Variants in MLLT3 observed in about 807,000 individuals in gnomAD.
MLLT3 encodes MLLT3 super elongation complex subunit.
MLLT3 carries 4 observed loss-of-function variants against 53.2 expected under a neutral mutation model. The observed-to-expected ratio is 0.08, with a 90% CI of 0.04 to 0.17. MLLT3 has a LOEUF of 0.17. Ranked by LOEUF, MLLT3 falls within the 10% of genes least tolerant of loss-of-function variation. The pLI, the probability that MLLT3 is intolerant of heterozygous loss-of-function variation, is 1.00. For synonymous variants in MLLT3, 283 were observed against 230.6 expected, an observed-to-expected ratio of 1.23 and a Z score of -2.06; for missense variants, 569 against 684.0, an observed-to-expected ratio of 0.83 and a Z score of 1.87.
intron 10 of MLLT3, among the ~76,000 whole-genome samples, chr9:20,350,794 T>C (rs1821006730): frequency 6.6e-6 from 1 of 152,148 alleles, no homozygotes; most frequent in South Asian, 2.1e-4. Flanking sequence ...CAGGGTAAGA[T>C]CCACTTGTCA....
intron 2 of MLLT3, among the ~76,000 whole-genome samples, chr9:20,603,952 A>G (rs947569895): frequency 2.6e-5 from 4 of 152,074 alleles, no homozygotes; most frequent in Admixed American, 2.0e-4. Flanking sequence ...TCATGTGAAT[A>G]GGCAAAGGCA....
At chr9:20,617,099 AC>A (rs2131215174) in intron 2 of MLLT3, among the ~76,000 whole-genome samples, 1 of 152,284 alleles carries the variant, frequency 6.6e-6, no homozygotes, top group East Asian at 1.9e-4. Flanking sequence ...TAAATTTCAT[AC>A]AGAACCCTAC....
At chr9:20,386,506 G>T (rs1386749638) in intron 5 of MLLT3, among the ~76,000 whole-genome samples, 1 of 152,204 alleles carries the variant, frequency 6.6e-6, no homozygotes, top group Non-Finnish European at 1.5e-5. Context: ...CTGTCATCAA[G>T]CTTTGTTTGG....
At chr9:20,512,016 G>T (rs993664450) in intron 2 of MLLT3, among the ~76,000 whole-genome samples, 1 of 152,074 alleles carries the variant, frequency 6.6e-6, no homozygotes, top group African/African-American at 2.4e-5. Flanking sequence ...GACCTTGCTG[G>T]AGCAATAAAA....
In MLLT3 at chr9:20,343,183, CA is replaced by C. The variant is rs71334526; in HGVS notation, c.*3259del. On this transcript the variant is annotated 3_prime_UTR_variant, in exon 11 of 11. Coordinates refer to ENST00000380338, the MANE Select transcript of MLLT3 (RefSeq NM_004529.4). ...TAGGTGGGCCTGTAAAAGATATCGGCAAAAAAAAAAAAAAAAAAAAAAAAAA... is the reference window on the plus strand; with the variant it reads ...TAGGTGGGCCTGTAAAAGATATCGGCAAAAAAAAAAAAAAAAAAAAAAAAA... 146 of 40,300 alleles carry C rather than the reference CA, an allele frequency of 3.6e-3. No individual in the cohort carries two copies. Among genetic ancestry groups the C allele is most frequent in the East Asian group, 0.01 (17 of 1,624 alleles). 2.5% of individuals were successfully genotyped at this position (40,300 alleles called of 1,614,324 possible). A position where few individuals can be genotyped will look rare whatever the true frequency, so the allele number is the denominator to read the frequency against.
chr9:20,395,866 A>G (rs899792342), intron 5 of MLLT3, among the ~76,000 whole-genome samples: 4 of 152,192 alleles, frequency 2.6e-5, no homozygotes, highest in African/African-American at 9.6e-5. Context: ...AGAGCCAACA[A>G]AAGTACTGAT....
chr9:20,536,987 A>G (rs566996674), intron 2 of MLLT3, among the ~76,000 whole-genome samples: 108 of 152,338 alleles, frequency 7.1e-4, no homozygotes, highest in African/African-American at 2.5e-3. Flanking sequence ...TTCATTTATA[A>G]TGAAGGTTTC....
intron 2 of MLLT3, among the ~76,000 whole-genome samples, chr9:20,606,633 A>G (rs974840452): frequency 2.2e-4 from 34 of 152,154 alleles, no homozygotes; most frequent in African/African-American, 7.7e-4. Flanking sequence ...AAATTCACTC[A>G]GTGTCTTTCA....
intron 2 of MLLT3, among the ~76,000 whole-genome samples, chr9:20,547,539 G>A (rs1047013147): frequency 1.3e-5 from 2 of 151,608 alleles, no homozygotes; most frequent in African/African-American, 4.8e-5. Flanking sequence ...AGCTACTCGG[G>A]AGGCTGAGGC....
At chr9:20,603,343 C>G (rs1344732449) in intron 2 of MLLT3, among the ~76,000 whole-genome samples, 1 of 151,978 alleles carries the variant, frequency 6.6e-6, no homozygotes, top group Non-Finnish European at 1.5e-5. Flanking sequence ...CCACTTTTAC[C>G]TCTTAGGTCA....
Position 20,414,066 on chromosome 9 carries a change from T to C in MLLT3, c.780A>G (p.Ser260=), listed in dbSNP as rs780863363. 1 of 1,614,156 alleles carries C rather than the reference T, an allele frequency of 6.2e-7. No individual in the cohort carries two copies. The highest frequency in any genetic ancestry group is 1.1e-5 in the South Asian group (1 of 91,072). ...KMAFKEPKPM[S]KEPKPDSNLL... is the part of the protein sequence containing the mutation. ...AGTTACTATCTGGTTTTGGCTCTTT[T>C]GACATGGGTTTAGGTTCCTTGAAGG... is the stretch of plus-strand genomic sequence containing the variant. Residue 260 remains serine, a synonymous_variant, in exon 5 of 11, where the codon TCA becomes TCG. Transcript: ENST00000380338.
intron 4 of MLLT3, among the ~76,000 whole-genome samples, chr9:20,424,654 G>A (rs979444192): frequency 2.0e-5 from 3 of 152,136 alleles, no homozygotes; most frequent in African/African-American, 7.2e-5. Flanking sequence ...ATATATGGCT[G>A]TGCAAGAAAG....
Position 20,524,200 on chromosome 9 carries a change from C to T in MLLT3, c.194-67414G>A, listed in dbSNP as rs149646569. ...TCTGGTAGGGGATGTTGATAATGGA[C>T]GAAGCTGTGCATGTGTGGGGTTGGG... On this transcript the variant is annotated intron_variant, in intron 2 of 10. Transcript: ENST00000380338. 2.5e-3 allele frequency among the ~76,000 whole-genome samples: 380 copies of T among 152,050 alleles called. 3 individuals are homozygous for T. Among genetic ancestry groups the T allele is most frequent in the Admixed American group, 3.9e-3 (59 of 15,266 alleles).
intron 5 of MLLT3, among the ~76,000 whole-genome samples, chr9:20,384,663 C>A (rs1821987976): frequency 6.6e-6 from 1 of 152,068 alleles, no homozygotes; most frequent in Non-Finnish European, 1.5e-5. Flanking sequence ...ATTAAGATTT[C>A]TTCCCATGTG....
chr9:20,485,915 G>T (rs1424510418), intron 2 of MLLT3, among the ~76,000 whole-genome samples: 1 of 152,162 alleles, frequency 6.6e-6, no homozygotes, highest in Non-Finnish European at 1.5e-5. Flanking sequence ...ACAGGGTTGA[G>T]CAAACAGACT....
chr9:20,568,841 T>C (rs1001805969), intron 2 of MLLT3, among the ~76,000 whole-genome samples: 3 of 152,176 alleles, frequency 2.0e-5, no homozygotes, highest in African/African-American at 7.2e-5. Context: ...GAGAGGAAGT[T>C]ATTACCTTCA....
intron 2 of MLLT3, among the ~76,000 whole-genome samples, chr9:20,534,275 C>T (rs1032904622): frequency 2.6e-5 from 4 of 152,120 alleles, no homozygotes; most frequent in Middle Eastern, 3.2e-3. Flanking sequence ...GTCAAATGAA[C>T]AGCAATGGCA....
chr9:20,448,402 G>T lies in MLLT3; in HGVS notation c.277-136C>A. The T allele has an allele frequency of 4.6e-5, 26 of 569,448 alleles. No individual in the cohort carries two copies. The highest frequency in any genetic ancestry group is 7.4e-5 in the Admixed American group (2 of 27,176). The allele number at this position is 569,448 out of a possible 1,614,324, so 35.3% of individuals were successfully genotyped here. ...AGCTAAACTGTCAAAGTAGTACTGGGAAAAAAAAAAGTATCATGGAATCAT... is the reference window on the plus strand; with the variant it reads ...AGCTAAACTGTCAAAGTAGTACTGGTAAAAAAAAAAGTATCATGGAATCAT... On this transcript the variant is annotated intron_variant, in intron 3 of 10. Coordinates refer to ENST00000380338, the MANE Select transcript of MLLT3 (RefSeq NM_004529.4). This position sits in a 1 kb window ranked among gnomAD's most constrained non-coding sequence, Gnocchi z 4.0.
At position 20,414,378 on chromosome 9, in the gene MLLT3, ACTGCTGCTG is replaced by A; in HGVS notation, c.459_467del (p.Ser188_Ser190del). ...TGCTGCTGCTGCTGCTGCTGCTGCT[ACTGCTGCTG>A]CTGCTGCTGCTGCTGGTATGAATAC... On this transcript the variant is annotated inframe_deletion, in exon 5 of 11. Transcript: ENST00000380338. 7.2e-7 allele frequency: 1 copy of A among 1,395,414 alleles called. No homozygotes were observed. Among genetic ancestry groups the A allele is most frequent in the Non-Finnish European group, 1.0e-6 (1 of 1,001,866 alleles). 86.4% of individuals were successfully genotyped at this position (1,395,414 alleles called of 1,614,324 possible).
Sources: gnomAD v4.1 joint callset for allele counts (sites outside exome capture counted in the v4.1 genomes callset) on GRCh38, gnomAD v4.1.1 for gene constraint, Gnocchi (gnomAD v3.1) non-coding constraint, MANE v1.5 for transcripts, NCBI Gene and HGNC (gene_info 2026-07-23, HGNC 2026-07-21) for gene names.